Variants in PALS1 observed in about 807,000 individuals in gnomAD.
The protein encoded by PALS1 is protein PALS1.
PALS1 carries 31 observed loss-of-function variants against 78.9 expected under a neutral mutation model. The observed-to-expected ratio is 0.39, with a 90% CI of 0.30 to 0.53. PALS1 has a LOEUF of 0.53. PALS1 is among the 20% of genes least tolerant of loss of function. The pLI is 0.67. For synonymous variants in PALS1, 276 were observed against 270.9 expected, an observed-to-expected ratio of 1.02 and a Z score of -0.18; for missense variants, 704 against 826.5, an observed-to-expected ratio of 0.85 and a Z score of 1.82.
In PALS1 at chr14:67,321,204, C is replaced by G. The variant is rs2085258464; in HGVS notation, c.1685C>G (p.Ser562Cys). ...AATTTGTATGGAACTAGCATAGATT[C>G]TGTACGGCAAGTGATCAACTCTGGC... ...EKNLYGTSID[S>C]VRQVINSGKI... The change falls in exon 13 of 15, where the codon TCT (serine) becomes TGT (cysteine). Residue 562 changes from serine to cysteine, a missense_variant. Ser to Cys is a moderately radical substitution (Grantham distance 112). Transcript: ENST00000261681. 6.2e-7 allele frequency: 1 copy of G among 1,614,164 alleles called. No homozygotes were observed.
chr14:67,329,004 A>T (rs1010781910), intron 14 of PALS1, among the ~76,000 whole-genome samples: 1 of 152,106 alleles, frequency 6.6e-6, no homozygotes, highest in Admixed American at 6.5e-5. Flanking sequence ...GTTTTTTCCA[A>T]TTCTGTGAAG....
chr14:67,318,889 C>G (rs543289584), intron 11 of PALS1, among the ~76,000 whole-genome samples: 2 of 151,938 alleles, frequency 1.3e-5, no homozygotes, highest in Non-Finnish European at 2.9e-5. Flanking sequence ...AACTCCATCT[C>G]TACTAAAAAA....
chr14:67,332,758 A>G, intron 14 of PALS1, 22 bp from the exon 15 acceptor site: 1 of 1,591,644 alleles, frequency 6.3e-7, no homozygotes, highest in Non-Finnish European at 8.6e-7. Flanking sequence ...ATTATCTCAC[A>G]GTTTTTATCT....
intron 14 of PALS1, among the ~76,000 whole-genome samples, chr14:67,330,246 TAATTC>T (rs1224719268): frequency 6.6e-6 from 1 of 151,350 alleles, no homozygotes; most frequent in Non-Finnish European, 1.5e-5. Flanking sequence ...CTTTTCTATT[TAATTC>T]ATTTCTTTTT....
At chr14:67,323,881 C>A in intron 14 of PALS1, 69 bp downstream of exon 14, 1 of 803,584 alleles carries the variant, frequency 1.2e-6, no homozygotes. Flanking sequence ...CTAATTTGTC[C>A]TGGTGCTTAA....
intron 1 of PALS1, among the ~76,000 whole-genome samples, chr14:67,260,600 A>G (rs1331205467): frequency 6.6e-6 from 1 of 152,198 alleles, no homozygotes; most frequent in Non-Finnish European, 1.5e-5. Context: ...TTAAGATTTC[A>G]TAGGATACTT....
At chr14:67,308,429 G>A (rs1013268494) in intron 8 of PALS1, among the ~76,000 whole-genome samples, 2 of 150,952 alleles carry the variant, frequency 1.3e-5, no homozygotes, top group South Asian at 2.1e-4. Flanking sequence ...TGTCTCCCAA[G>A]TACACTGTCC....
intron 14 of PALS1, among the ~76,000 whole-genome samples, chr14:67,328,326 ATTGT>A (rs1234477568): frequency 6.6e-6 from 1 of 151,452 alleles, no homozygotes; most frequent in Non-Finnish European, 1.5e-5. Context: ...TTTTGATGGG[ATTGT>A]TTGATTTTTT....
At chr14:67,271,125 C>T (rs1243934138) in intron 2 of PALS1, 1 of 152,202 alleles carries the variant, frequency 6.6e-6, no homozygotes, top group Non-Finnish European at 1.5e-5. Context: ...TGCTCATATA[C>T]TTAATTAAGC....
intron 8 of PALS1, among the ~76,000 whole-genome samples, chr14:67,306,367 CAG>C (rs1199606253): frequency 2.0e-5 from 3 of 151,674 alleles, no homozygotes; most frequent in Non-Finnish European, 4.4e-5. Context: ...TTTTTTGAGA[CAG>C]AGTCTTGCTC....
intron 4 of PALS1, among the ~76,000 whole-genome samples, chr14:67,299,088 T>G (rs2084897620): frequency 6.6e-6 from 1 of 152,250 alleles, no homozygotes; most frequent in African/African-American, 2.4e-5. Flanking sequence ...TTGGGTTGTT[T>G]CCTGTTTATG....
chr14:67,298,718 G>A (rs2140874448), intron 4 of PALS1, among the ~76,000 whole-genome samples: 1 of 152,208 alleles, frequency 6.6e-6, no homozygotes, highest in African/African-American at 2.4e-5. Flanking sequence ...GTATAGTTCA[G>A]TGTATTTTGA....
chr14:67,317,523 A>C (rs1178099542), intron 11 of PALS1, 44 bp downstream of exon 11: 4 of 1,354,648 alleles, frequency 3.0e-6, no homozygotes, highest in Non-Finnish European at 1.0e-6. Context: ...ATCTGAAAGG[A>C]GTCTAAACCT....
At chr14:67,284,254 A>AT (rs1019290459) in intron 3 of PALS1, among the ~76,000 whole-genome samples, 93 of 152,132 alleles carry the variant, frequency 6.1e-4, no homozygotes, top group African/African-American at 2.1e-3. Flanking sequence ...TTCACATACC[A>AT]TAAAATTTTG....
At chr14:67,305,663 A>G (rs1165968240) in intron 8 of PALS1, among the ~76,000 whole-genome samples, 1 of 152,194 alleles carries the variant, frequency 6.6e-6, no homozygotes, top group African/African-American at 2.4e-5. Context: ...TTTTTCATGG[A>G]TAGAATTAAT....
At chr14:67,288,090 T>C (rs2140778414) in intron 3 of PALS1, among the ~76,000 whole-genome samples, 1 of 152,202 alleles carries the variant, frequency 6.6e-6, no homozygotes, top group Middle Eastern at 3.4e-3. Flanking sequence ...TCCCTTTTTT[T>C]TTCCTTCGAG....
At chr14:67,270,883 G>T (rs996909512) in intron 2 of PALS1, 16 of 152,164 alleles carry the variant, frequency 1.1e-4, no homozygotes, top group Admixed American at 5.9e-4. Flanking sequence ...AAGATTTCTT[G>T]TAGAATTAGG....
chr14:67,312,860 A>G (rs1172996693), intron 9 of PALS1, 150 bp downstream of exon 9: 2 of 586,870 alleles, frequency 3.4e-6, no homozygotes, highest in Non-Finnish European at 5.6e-6. Flanking sequence ...TTGTACCTGC[A>G]GCGTAAGTAT....
intron 14 of PALS1, among the ~76,000 whole-genome samples, chr14:67,324,965 C>T (rs945876864): frequency 3.0e-5 from 4 of 135,124 alleles, no homozygotes; most frequent in Non-Finnish European, 4.5e-5. Context: ...AGTGCAGTAG[C>T]GCAATCTCGG....
Sources: allele counts gnomAD v4.1 joint callset (sites outside exome capture counted in the v4.1 genomes callset), GRCh38; gene constraint gnomAD v4.1.1; transcripts MANE v1.5; gene names NCBI Gene and HGNC (gene_info 2026-07-23, HGNC 2026-07-21).